RPN2: variants seen among roughly 807,000 people sequenced by gnomAD.
RPN2 encodes the protein ribophorin II.
RPN2 carries 29 observed loss-of-function variants against 71.4 expected under a neutral mutation model. The observed-to-expected ratio is 0.41, with a 90% CI of 0.30 to 0.55. The LOEUF is 0.55. RPN2 is among the 20% of genes least tolerant of loss of function. The probability of loss-of-function intolerance (pLI) is 0.35; values close to 1 mark genes in which losing one functional copy is unlikely to be tolerated. For synonymous variants in RPN2, 308 were observed against 305.0 expected (o/e 1.01, Z -0.10); for missense variants, 726 against 774.1 (o/e 0.94, Z 0.74).
At position 37,210,069 on chromosome 20, in the gene RPN2, C is replaced by T. The variant is rs1246039667; in HGVS notation, c.890C>T (p.Ser297Phe). The part of the protein sequence containing the change: ...ILRLQVTNVL[S>F]QPLTQATVKL... The stretch of plus-strand genomic sequence containing the variant: ...CAGTTGCAAGTCACCAATGTTCTGT[C>T]TCAGCCTCTGACTCAGGCCACTGTT... Residue 297 changes from serine (S) to phenylalanine (F), a missense_variant, in exon 8 of 17, where the codon TCT (serine) becomes TTT (phenylalanine). Physicochemically the swap from Ser to Phe is radical, Grantham distance 155. Transcript: ENST00000237530. 6.2e-7 allele frequency: 1 copy of T among 1,614,022 alleles called. No individual in the cohort carries two copies. The highest frequency in any genetic ancestry group is 8.5e-7 in the Non-Finnish European group (1 of 1,180,030).
At chr20:37,226,200 A>G (rs1206898299) in intron 11 of RPN2, among the ~76,000 whole-genome samples, 1 of 152,020 alleles carries the variant, frequency 6.6e-6, no homozygotes, top group East Asian at 1.9e-4. Context: ...CAGCCTCCCA[A>G]GTAGCTGGGA....
chr20:37,201,798 G>A (rs2067397239), intron 4 of RPN2, among the ~76,000 whole-genome samples: 1 of 152,094 alleles, frequency 6.6e-6, no homozygotes, highest in Non-Finnish European at 1.5e-5. Flanking sequence ...TTCTGAATGG[G>A]CCTTCTATAT....
At chr20:37,230,368 C>T (rs978013940) in intron 13 of RPN2, among the ~76,000 whole-genome samples, 26 of 152,196 alleles carry the variant, frequency 1.7e-4, no homozygotes, top group African/African-American at 5.8e-4. Flanking sequence ...ATGGTTCTAG[C>T]GTTTATCCTC....
intron 2 of RPN2, among the ~76,000 whole-genome samples, chr20:37,185,341 T>A (rs1415483831): frequency 1.3e-5 from 2 of 152,118 alleles, no homozygotes; most frequent in East Asian, 3.9e-4. Flanking sequence ...TTTGCCATGT[T>A]GCCCAGGCTG....
In RPN2 at chr20:37,202,222, G is replaced by T. The variant is rs113598928; in HGVS notation, c.480-1663G>T. The stretch of plus-strand genomic sequence containing the variant: ...AGCACAGCGTTTATCACGGGCAGAT[G>T]TGTGATTTTTGTCTTGTTTGGAAAT... On this transcript the variant is annotated intron_variant, in intron 4 of 16. Coordinates refer to ENST00000237530, the MANE Select transcript of RPN2 (RefSeq NM_002951.5). 2.0e-5 allele frequency among the ~76,000 whole-genome samples: 3 copies of T among 152,154 alleles called. No homozygotes were observed. The South Asian group carries it at 6.2e-4, about 31-fold the overall frequency.
At chr20:37,237,333 C>T (rs990284818) in intron 16 of RPN2, among the ~76,000 whole-genome samples, 6 of 152,174 alleles carry the variant, frequency 3.9e-5, no homozygotes, top group African/African-American at 1.4e-4. Flanking sequence ...ATTTAAATGT[C>T]ACAAAGGTGT....
intron 11 of RPN2, among the ~76,000 whole-genome samples, chr20:37,227,019 C>G (rs117574357): frequency 0.022 from 3,310 of 152,334 alleles, 63 homozygotes; most frequent in Non-Finnish European, 0.033. Context: ...AACCTTCTTG[C>G]TTTCTGTTTC....
At chr20:37,179,492 C>G (rs922466866) in intron 1 of RPN2, 123 bp downstream of exon 1, 68 of 1,402,602 alleles carry the variant, frequency 4.8e-5, no homozygotes, top group African/African-American at 5.9e-5. Context: ...GGCACAAGCT[C>G]TGGCTGGGGC....
intron 8 of RPN2, among the ~76,000 whole-genome samples, chr20:37,211,192 GC>G (rs2067654643): frequency 1.3e-5 from 2 of 151,508 alleles, no homozygotes; most frequent in African/African-American, 4.8e-5. Context: ...GTGACACTAC[GC>G]CTGGCTAATT....
At chr20:37,200,289 G>T (rs1390568002) in intron 4 of RPN2, among the ~76,000 whole-genome samples, 1 of 151,994 alleles carries the variant, frequency 6.6e-6, no homozygotes, top group Non-Finnish European at 1.5e-5. Flanking sequence ...GCGCCCGGCT[G>T]CCCAGCTAAT....
chr20:37,179,437 G>T (rs1194758595), intron 1 of RPN2, 68 bp downstream of exon 1: 1 of 1,051,234 alleles, frequency 9.5e-7, no homozygotes. Flanking sequence ...CGCCGCTCGA[G>T]AGCCGGCCAG....
chr20:37,239,270 T>C (rs1600858657), intron 16 of RPN2, among the ~76,000 whole-genome samples: 1 of 152,238 alleles, frequency 6.6e-6, no homozygotes, highest in South Asian at 2.1e-4. Context: ...CAAATGGGTG[T>C]GGCTGTGTTC....
intron 4 of RPN2, among the ~76,000 whole-genome samples, chr20:37,202,736 A>T (rs1266288377): frequency 6.6e-6 from 1 of 152,238 alleles, no homozygotes; most frequent in Non-Finnish European, 1.5e-5. Flanking sequence ...TGAAGTGCAG[A>T]TACGTGCTAC....
chr20:37,235,586 A>C (rs1332877965), intron 15 of RPN2, among the ~76,000 whole-genome samples: 1 of 152,074 alleles, frequency 6.6e-6, no homozygotes, highest in Non-Finnish European at 1.5e-5. Flanking sequence ...TTATCCTTAC[A>C]GTTTGTTTCC....
chr20:37,210,845 A>G (rs1184037950), intron 8 of RPN2, among the ~76,000 whole-genome samples: 1 of 151,636 alleles, frequency 6.6e-6, no homozygotes, highest in Non-Finnish European at 1.5e-5. Context: ...CTAACATTTT[A>G]TAATTTTTTT....
intron 2 of RPN2, among the ~76,000 whole-genome samples, chr20:37,191,550 G>A (rs1188551560): frequency 6.6e-6 from 1 of 151,594 alleles, no homozygotes; most frequent in Non-Finnish European, 1.5e-5. Context: ...GGCGGATCAC[G>A]AGGTCAGGCA....
chr20:37,195,321 G>A (rs74838402), intron 2 of RPN2, among the ~76,000 whole-genome samples: 28 of 152,280 alleles, frequency 1.8e-4, no homozygotes, highest in East Asian at 1.2e-3. Flanking sequence ...ACTGAACGCC[G>A]GACTGGTTTA....
intron 1 of RPN2, among the ~76,000 whole-genome samples, chr20:37,182,152 G>C (rs1471941392): frequency 6.6e-6 from 1 of 151,976 alleles, no homozygotes; most frequent in Non-Finnish European, 1.5e-5. Flanking sequence ...GGAGTGCAGT[G>C]GTGCGATCTC....
At chr20:37,228,815 G>T in intron 12 of RPN2, 71 bp downstream of exon 12, 7 of 1,429,690 alleles carry the variant, frequency 4.9e-6, no homozygotes, top group Non-Finnish European at 6.9e-6. Flanking sequence ...TCTTTTTCAG[G>T]GGCATGGGGC....
Sources: allele counts gnomAD v4.1 joint callset (sites outside exome capture counted in the v4.1 genomes callset), GRCh38; gene constraint gnomAD v4.1.1; transcripts MANE v1.5; gene names NCBI Gene and HGNC (gene_info 2026-07-23, HGNC 2026-07-21).